UST: variants seen among roughly 807,000 people sequenced by gnomAD.
The protein encoded by UST is chondroitin sulfate 2-O-sulfotransferase.
Under a neutral mutation model 45.6 loss-of-function variants are expected in UST, and 21 were observed. That is an observed-to-expected ratio of 0.46 (90% confidence interval 0.33 to 0.66). UST has a LOEUF of 0.66. UST is among the 30% of genes least tolerant of loss of function. The pLI, the probability that UST is intolerant of heterozygous loss-of-function variation, is 0.02. For missense variants in UST, 463 were observed against 512.4 expected, an observed-to-expected ratio of 0.90 and a Z score of 0.93; for synonymous variants, 215 against 200.6, an observed-to-expected ratio of 1.07 and a Z score of -0.61.
rs191051546 is a variant in UST at position 148,901,609 on chromosome 6, G to A, written c.291+14580G>A. 1.6e-4 allele frequency among the ~76,000 whole-genome samples: 24 copies of A among 150,224 alleles called. No homozygotes were observed. The East Asian group carries it at 4.7e-3, about 29-fold the overall frequency. ...TTTTGCTCTTGTCACCCTGACTGGA[G>A]TGCAATGGTGTGATCTTAGCTCACT... On this transcript the variant is annotated intron_variant, in intron 2 of 7. Transcript: ENST00000367463.
rs927206798 is a variant in UST at position 149,074,610 on chromosome 6, A to G, written c.*494A>G. ...GAAAAGGAGGATGGAGCCAGGTGCC[A>G]TGGCTTGAGCCTATAATCCGAGGCT... On this transcript the variant is annotated 3_prime_UTR_variant, in exon 8 of 8. Coordinates refer to ENST00000367463, the MANE Select transcript of UST (RefSeq NM_005715.3). 1 of 161,532 alleles carries G rather than the reference A, an allele frequency of 6.2e-6. No homozygotes were observed. The highest frequency in any genetic ancestry group is 2.4e-5 in the African/African-American group (1 of 41,534). The allele number at this position is 161,532 out of a possible 1,614,324, so 10.0% of individuals were successfully genotyped here.
At chr6:148,907,116 TA>T (rs1434818273) in intron 2 of UST, among the ~76,000 whole-genome samples, 1 of 152,140 alleles carries the variant, frequency 6.6e-6, no homozygotes. Flanking sequence ...ACACAACAAA[TA>T]ATGTGAGAGA....
chr6:148,877,722 G>A (rs1019548743), intron 1 of UST, among the ~76,000 whole-genome samples: 1 of 127,126 alleles, frequency 7.9e-6, no homozygotes, highest in Non-Finnish European at 1.6e-5. Flanking sequence ...TATGAGTGGG[G>A]TGGTCGTGTA....
chr6:148,781,057 C>T (rs557066936), intron 1 of UST, among the ~76,000 whole-genome samples: 41 of 152,194 alleles, frequency 2.7e-4, no homozygotes, highest in African/African-American at 9.9e-4. Context: ...CCACAATGGC[C>T]TCTAAGTGTT....
At chr6:148,891,586 G>A (rs759989819) in intron 2 of UST, among the ~76,000 whole-genome samples, 1 of 151,970 alleles carries the variant, frequency 6.6e-6, no homozygotes, top group Middle Eastern at 3.4e-3. Context: ...CACTAAGTAA[G>A]CATTGGACTT....
At chr6:148,935,486 C>T (rs568752794) in intron 2 of UST, among the ~76,000 whole-genome samples, 3 of 152,248 alleles carry the variant, frequency 2.0e-5, no homozygotes, top group South Asian at 2.1e-4. Flanking sequence ...ATAGAGTTCT[C>T]GGCCTGACAA....
intron 7 of UST, among the ~76,000 whole-genome samples, chr6:149,069,097 T>C (rs1392048107): frequency 6.6e-6 from 1 of 152,242 alleles, no homozygotes; most frequent in Non-Finnish European, 1.5e-5. Flanking sequence ...GGCCAAATAG[T>C]ATTCCATTGT....
At chr6:148,856,164 G>A (rs942027400) in intron 1 of UST, among the ~76,000 whole-genome samples, 8 of 152,054 alleles carry the variant, frequency 5.3e-5, no homozygotes, top group African/African-American at 1.9e-4. Flanking sequence ...TTACAGGTGC[G>A]TGTCACCATA....
intron 1 of UST, among the ~76,000 whole-genome samples, chr6:148,880,019 A>G (rs1778795172): frequency 2.8e-5 from 4 of 143,528 alleles, no homozygotes; most frequent in African/African-American, 1.0e-4. Context: ...CAGTGGCACG[A>G]TCTCAGCTCA....
At chr6:148,987,405 ACCAAGTGGTGTGC>A in intron 5 of UST, among the ~76,000 whole-genome samples, 1 of 152,338 alleles carries the variant, frequency 6.6e-6, no homozygotes, top group East Asian at 1.9e-4. Flanking sequence ...CAGTCTCTGC[ACCAAGTGGTGTGC>A]CCTACATGGC....
At chr6:148,845,564 AATATTC>A (rs1777971166) in intron 1 of UST, among the ~76,000 whole-genome samples, 2 of 152,212 alleles carry the variant, frequency 1.3e-5, no homozygotes, top group Non-Finnish European at 2.9e-5. Context: ...GGCCACTGTG[AATATTC>A]TTCATCTATG....
chr6:148,998,755 C>G (rs748065490), intron 5 of UST, among the ~76,000 whole-genome samples: 9 of 152,186 alleles, frequency 5.9e-5, no homozygotes, highest in Non-Finnish European at 1.2e-4. Flanking sequence ...ATAGATAGTC[C>G]CATTGACTGT....
At chr6:149,013,898 A>C (rs773348419) in intron 5 of UST, among the ~76,000 whole-genome samples, 4 of 152,240 alleles carry the variant, frequency 2.6e-5, no homozygotes, top group Non-Finnish European at 5.9e-5. Context: ...GTCTTATAAA[A>C]GGATAAGTAA....
At chr6:148,800,660 A>C (rs572725259) in intron 1 of UST, among the ~76,000 whole-genome samples, 28 of 152,146 alleles carry the variant, frequency 1.8e-4, no homozygotes, top group Non-Finnish European at 2.4e-4. Flanking sequence ...TTGCCAAAAA[A>C]AAAGGGGTAG....
chr6:148,986,869 T>G (rs1262268908), intron 5 of UST, among the ~76,000 whole-genome samples: 1 of 152,258 alleles, frequency 6.6e-6, no homozygotes, highest in African/African-American at 2.4e-5. Flanking sequence ...GCAATCACTT[T>G]ATGCTCCCTG....
At chr6:148,815,391 A>G (rs1777335625) in intron 1 of UST, among the ~76,000 whole-genome samples, 1 of 152,162 alleles carries the variant, frequency 6.6e-6, no homozygotes, top group African/African-American at 2.4e-5. Context: ...TTGAAAGAAG[A>G]CAGTGTTGGA....
chr6:149,026,688 T>G (rs894524207), intron 7 of UST, among the ~76,000 whole-genome samples: 3 of 152,222 alleles, frequency 2.0e-5, no homozygotes, highest in Non-Finnish European at 4.4e-5. Context: ...CCACCTAGCA[T>G]CCAGACATAG....
chr6:148,888,791 A>T (rs1308205820), intron 2 of UST, among the ~76,000 whole-genome samples: 3 of 152,234 alleles, frequency 2.0e-5, no homozygotes, highest in African/African-American at 7.2e-5. Flanking sequence ...TGCAGGTGGT[A>T]GAAATACAAA....
rs181339069 is a variant in UST, at chr6:148,886,856, C to T, written c.248-130C>T. The stretch of plus-strand genomic sequence containing the variant: ...TCCAGTCAAACCAGTGATTAATTCC[C>T]CATTTTTCTTTGGTACTGTTGTCTG... On this transcript the variant is annotated intron_variant, in intron 1 of 7. Transcript: ENST00000367463. The T allele has an allele frequency of 8.0e-5, 61 of 760,040 alleles. No individual in the cohort carries two copies. The East Asian group carries it at 1.5e-3, about 18-fold the overall frequency. The allele number at this position is 760,040 out of a possible 1,614,324, so 47.1% of individuals were successfully genotyped here.
Sources: allele counts gnomAD v4.1 joint callset (sites outside exome capture counted in the v4.1 genomes callset), GRCh38; gene constraint gnomAD v4.1.1; transcripts MANE v1.5; gene names NCBI Gene and HGNC (gene_info 2026-07-23, HGNC 2026-07-21).